Variants in WDR64 observed in about 807,000 individuals in gnomAD.
WDR64 encodes WD repeat domain 64.
In WDR64, 112 loss-of-function variants were observed where a neutral mutation model predicts 139.3. The observed-to-expected ratio is 0.80, with a 90% CI of 0.69 to 0.94. WDR64 has a LOEUF of 0.94. Among genes scored for constraint, WDR64 ranks in the 40% least tolerant of loss-of-function variants. WDR64 has a pLI of 0.00. For synonymous variants in WDR64, 444 were observed against 437.7 expected, an observed-to-expected ratio of 1.01 and a Z score of -0.18; for missense variants, 1,206 against 1,293.1, an observed-to-expected ratio of 0.93 and a Z score of 1.03.
At chr1:241,685,153 A>T (rs1322114145) in intron 7 of WDR64, among the ~76,000 whole-genome samples, 1 of 150,240 alleles carries the variant, frequency 6.7e-6, no homozygotes, top group Non-Finnish European at 1.5e-5. Context: ...TCAGATATAT[A>T]AATATATAAT....
chr1:241,709,164 T>G (rs72768081), intron 8 of WDR64, among the ~76,000 whole-genome samples: 25,650 of 152,122 alleles, frequency 0.17, 2,380 homozygotes, highest in Non-Finnish European at 0.19. Flanking sequence ...ACTAATAAGA[T>G]ATGTTTCAGC....
At chr1:241,688,853 A>G (rs186184706) in intron 8 of WDR64, among the ~76,000 whole-genome samples, 9 of 152,322 alleles carry the variant, frequency 5.9e-5, no homozygotes, top group Non-Finnish European at 1.3e-4. Context: ...TACTTCCAGG[A>G]GTTCAACAGA....
At chr1:241,732,255 T>A (rs1232920671) in intron 10 of WDR64, among the ~76,000 whole-genome samples, 3 of 152,304 alleles carry the variant, frequency 2.0e-5, no homozygotes, top group East Asian at 3.9e-4. Flanking sequence ...CAATTTTCAT[T>A]ATGGAATAAT....
rs1237963246 is a variant in WDR64, at chr1:241,723,376, T to C, written c.1134T>C (p.Ser378=). 1 of 1,614,014 alleles carries C rather than the reference T, an allele frequency of 6.2e-7. No homozygotes were observed. The highest frequency in any genetic ancestry group is 2.2e-5 in the East Asian group (1 of 44,874). Residue 378 remains serine, a synonymous_variant, in exon 10 of 28, where the codon AGT becomes AGC. Transcript: ENST00000437684. ...PVGKLVGHMF[S]IAEIVTNEKD... ...GGAAACTTGTAGGACACATGTTCAG[T>C]ATCGCCGAGATCGTAACCAATGAAA... is the stretch of plus-strand genomic sequence containing the variant.
chr1:241,659,885 T>C (rs1665754729), intron 1 of WDR64, among the ~76,000 whole-genome samples: 1 of 152,230 alleles, frequency 6.6e-6, no homozygotes, highest in African/African-American at 2.4e-5. Context: ...ATAGTTTCTT[T>C]TGCTGTGCAG....
At chr1:241,762,620 A>G (rs928604874) in intron 15 of WDR64, among the ~76,000 whole-genome samples, 3 of 152,198 alleles carry the variant, frequency 2.0e-5, no homozygotes, top group African/African-American at 7.2e-5. Context: ...TTTTAGAGAG[A>G]TAAGTGGTCA....
Position 241,738,370 on chromosome 1 carries a change from G to A in WDR64, c.1202G>A (p.Arg401Gln), listed in dbSNP as rs746918737. The change falls in exon 11 of 28, where the codon CGG becomes CAG. Residue 401 changes from arginine (R) to glutamine (Q), a missense_variant. Physicochemically the swap from Arg to Gln is conservative, Grantham distance 43. Coordinates refer to ENST00000437684, the MANE Select transcript of WDR64 (RefSeq NM_001367482.1). ...TGTTTGTTATTCTTCCAGGTTTTCC[G>A]GGTGTGGGATATACAAACTCTTTCA... is the stretch of plus-strand genomic sequence containing the variant. Reference protein sequence around the residue: ...VVSLSSAKVFRVWDIQTLSLL... With the variant: ...VVSLSSAKVFQVWDIQTLSLL... 40 of 1,612,164 alleles carry A rather than the reference G, an allele frequency of 2.5e-5. No homozygotes were observed. The highest frequency in any genetic ancestry group is 6.7e-5 in the East Asian group (3 of 44,818).
chr1:241,800,971 T>G (rs1253431958), intron 27 of WDR64, among the ~76,000 whole-genome samples, 161 bp from the exon 28 acceptor site: 3 of 152,018 alleles, frequency 2.0e-5, no homozygotes, highest in African/African-American at 7.2e-5. Context: ...TTTAACATAC[T>G]TTTATCCTGA....
chr1:241,669,064 C>T (rs1666127564), intron 2 of WDR64, among the ~76,000 whole-genome samples: 1 of 152,210 alleles, frequency 6.6e-6, no homozygotes, highest in African/African-American at 2.4e-5. Flanking sequence ...GCCGGGCACA[C>T]TGCAAAATGC....
In WDR64 at chr1:241,738,499, C is replaced by T. The variant is rs764646761; in HGVS notation, c.1321+10C>T. 5.0e-5 allele frequency: 80 copies of T among 1,599,326 alleles called. No individual in the cohort carries two copies. The East Asian group carries it at 1.7e-3, about 34-fold the overall frequency. Reference sequence around the variant, plus strand: ...GGCATGCTTATTACGGGTAAGTGTACCCAATTAATGTCAAACGAAACTCAT... The same window carrying T: ...GGCATGCTTATTACGGGTAAGTGTATCCAATTAATGTCAAACGAAACTCAT... On this transcript the variant is annotated intron_variant, in intron 11 of 27. Transcript: ENST00000437684.
At chr1:241,779,041 G>A (rs1185417792) in intron 21 of WDR64, among the ~76,000 whole-genome samples, 1 of 151,732 alleles carries the variant, frequency 6.6e-6, no homozygotes, top group Non-Finnish European at 1.5e-5. Flanking sequence ...AACATTTCTT[G>A]AAAGGCAGGC....
intron 13 of WDR64, among the ~76,000 whole-genome samples, chr1:241,747,286 G>A (rs139696459): frequency 5.9e-4 from 90 of 152,244 alleles, no homozygotes; most frequent in Non-Finnish European, 1.1e-3. Context: ...ATACACACAC[G>A]AGTGCACGTA....
rs1200345849 is a variant in WDR64, at chr1:241,757,430, G to A, written c.1918G>A (p.Val640Ile). Residue 640 changes from valine to isoleucine, a missense_variant, in exon 15 of 28, where the codon GTT (valine) becomes ATT (isoleucine). Val to Ile is a conservative substitution (Grantham distance 29, BLOSUM62 3). Coordinates refer to ENST00000437684, the MANE Select transcript of WDR64 (RefSeq NM_001367482.1). ...TCCTTTCCCAGATGTCGAGTTGATA[G>A]TTGAGAGGAACTTTTCTCAACCTAC... ...AIPFPDVELI[V>I]ERNFSQPTDN... 2 of 1,612,856 alleles carry A rather than the reference G, an allele frequency of 1.2e-6. No individual in the cohort carries two copies. The highest frequency in any genetic ancestry group is 8.5e-7 in the Non-Finnish European group (1 of 1,179,558).
At chr1:241,779,444 A>G (rs1348454488) in intron 21 of WDR64, among the ~76,000 whole-genome samples, 1 of 152,182 alleles carries the variant, frequency 6.6e-6, no homozygotes, top group Non-Finnish European at 1.5e-5. Context: ...ATTCATTTCC[A>G]CTACCCTGAT....
At chr1:241,796,016 G>A (rs1659354850) in intron 26 of WDR64, among the ~76,000 whole-genome samples, 1 of 152,146 alleles carries the variant, frequency 6.6e-6, no homozygotes, top group Non-Finnish European at 1.5e-5. Flanking sequence ...GGGAGGCAGA[G>A]GCAAGGGGAC....
Position 241,670,669 on chromosome 1 carries a change from G to C in WDR64, c.277-405G>C, listed in dbSNP as rs147024656. On this transcript the variant is annotated intron_variant, in intron 2 of 27. Coordinates refer to ENST00000437684, the MANE Select transcript of WDR64 (RefSeq NM_001367482.1). ...AGCAGGAGGTGATCAGTGGGGGAGA[G>C]AGCATCACTGCCTGAGCTCCGCCTC... 2.1e-3 allele frequency among the ~76,000 whole-genome samples: 319 copies of C among 152,336 alleles called. 1 individual carries two copies. The highest frequency in any genetic ancestry group is 4.1e-3 in the Admixed American group (63 of 15,296).
intron 6 of WDR64, among the ~76,000 whole-genome samples, chr1:241,682,377 T>C (rs1011990352): frequency 6.6e-6 from 1 of 152,248 alleles, no homozygotes; most frequent in African/African-American, 2.4e-5. Flanking sequence ...ATTTGTTGAA[T>C]AGGGTGTCCT....
At chr1:241,788,083 T>C (rs768688366) in intron 24 of WDR64, 49 bp downstream of exon 24, 1 of 1,479,202 alleles carries the variant, frequency 6.8e-7, no homozygotes, top group South Asian at 1.4e-5. Context: ...ATCAAACTGT[T>C]GAGATGCTGT....
At chr1:241,720,822 G>T (rs1210458983) in intron 9 of WDR64, among the ~76,000 whole-genome samples, 1 of 152,036 alleles carries the variant, frequency 6.6e-6, no homozygotes, top group Non-Finnish European at 1.5e-5. Context: ...GTCAATTTTT[G>T]CTTTTGTTGC....
Sources: gnomAD v4.1 joint callset for allele counts (sites outside exome capture counted in the v4.1 genomes callset) on GRCh38, gnomAD v4.1.1 for gene constraint, MANE v1.5 for transcripts, NCBI Gene and HGNC (gene_info 2026-07-23, HGNC 2026-07-21) for gene names.